Variants in CAMK1D observed in about 807,000 individuals in gnomAD.
CAMK1D encodes calcium/calmodulin dependent protein kinase ID, also known as calcium/calmodulin-dependent protein kinase type 1D.
CAMK1D carries 9 observed loss-of-function variants against 47.7 expected under a neutral mutation model. The observed-to-expected ratio is 0.19, with a 90% CI of 0.11 to 0.33. The LOEUF is 0.33. CAMK1D is among the 10% of genes least tolerant of loss of function. The pLI, the probability that CAMK1D is intolerant of heterozygous loss-of-function variation, is 1.00. For missense variants in CAMK1D, 291 were observed against 488.7 expected, an observed-to-expected ratio of 0.60 and a Z score of 3.81; for synonymous variants, 184 against 184.9, an observed-to-expected ratio of 0.99 and a Z score of 0.04.
intron 1 of CAMK1D, among the ~76,000 whole-genome samples, chr10:12,522,153 C>G (rs1835435888): frequency 6.7e-6 from 1 of 149,702 alleles, no homozygotes; most frequent in Non-Finnish European, 1.5e-5. Flanking sequence ...CCTGTCTTCA[C>G]CCTTTCCTGC....
chr10:12,772,999 A>G (rs769316509), intron 5 of CAMK1D, among the ~76,000 whole-genome samples: 8 of 152,186 alleles, frequency 5.3e-5, no homozygotes, highest in Non-Finnish European at 1.2e-4. Flanking sequence ...CCAAAGCCCA[A>G]TTTAAATGTT....
intron 3 of CAMK1D, among the ~76,000 whole-genome samples, chr10:12,729,332 C>T (rs1275339107): frequency 6.6e-6 from 1 of 152,096 alleles, no homozygotes; most frequent in East Asian, 1.9e-4. Context: ...ATGCCGAGTA[C>T]CTATAGAACA....
At chr10:12,494,890 C>T (rs1044321298) in intron 1 of CAMK1D, among the ~76,000 whole-genome samples, 2 of 152,038 alleles carry the variant, frequency 1.3e-5, no homozygotes, top group South Asian at 4.1e-4. Flanking sequence ...TTTCTTGTGA[C>T]TTTTCACCAT....
intron 2 of CAMK1D, among the ~76,000 whole-genome samples, chr10:12,581,868 A>G (rs759641686): frequency 2.6e-5 from 4 of 152,054 alleles, no homozygotes; most frequent in Non-Finnish European, 5.9e-5. Context: ...TATTTCTTTT[A>G]CTGAGCAGAA....
chr10:12,470,520 C>CTT (rs11422931), intron 1 of CAMK1D, among the ~76,000 whole-genome samples: 16 of 149,110 alleles, frequency 1.1e-4, no homozygotes, highest in Admixed American at 2.0e-4. Flanking sequence ...TTTTCTTCTT[C>CTT]TTTTTTTTTT....
chr10:12,350,253 A>C (rs1313666810), intron 1 of CAMK1D, among the ~76,000 whole-genome samples: 1 of 152,132 alleles, frequency 6.6e-6, no homozygotes, highest in African/African-American at 2.4e-5. Context: ...ATGGCTGTTT[A>C]CCGGCTGTGT....
chr10:12,799,259 A>C lies in CAMK1D; in HGVS notation c.641+8026A>C, dbSNP rs187252434. ...GGCTTGTTTTCTAGTCCATCTCAGA[A>C]GTGCATTGTTGGGAGTCAGCAAAGA... On this transcript the variant is annotated intron_variant, in intron 6 of 10. Transcript: ENST00000619168. 2.8e-3 allele frequency among the ~76,000 whole-genome samples: 420 copies of C among 150,736 alleles called. 1 individual carries two copies. Among genetic ancestry groups the C allele is most frequent in the African/African-American group, 9.5e-3 (393 of 41,492 alleles).
chr10:12,697,324 G>A (rs1422197247), intron 3 of CAMK1D, among the ~76,000 whole-genome samples: 3 of 152,132 alleles, frequency 2.0e-5, no homozygotes, highest in African/African-American at 4.8e-5. Context: ...ATTGCTAAAC[G>A]TAAAGCAACA....
At chr10:12,738,689 G>A (rs1014945043) in intron 3 of CAMK1D, among the ~76,000 whole-genome samples, 6 of 151,738 alleles carry the variant, frequency 4.0e-5, no homozygotes, top group South Asian at 2.1e-4. Context: ...AAAATTAGCC[G>A]GGCGTGGTGG....
intron 1 of CAMK1D, among the ~76,000 whole-genome samples, chr10:12,396,846 C>T (rs574077078): frequency 1.3e-5 from 2 of 152,324 alleles, no homozygotes; most frequent in African/African-American, 2.4e-5. Context: ...CTACCTTCTG[C>T]TCTTCCTGAG....
At chr10:12,714,761 TACACACACACACACACACACACAC>T (rs55827922) in intron 3 of CAMK1D, among the ~76,000 whole-genome samples, 2 of 130,518 alleles carry the variant, frequency 1.5e-5, no homozygotes, top group African/African-American at 5.8e-5. Flanking sequence ...TACATTAAAT[TACACACACACACACACACACACAC>T]ACACACACAC....
intron 1 of CAMK1D, among the ~76,000 whole-genome samples, chr10:12,491,998 T>C (rs1240956825): frequency 6.6e-6 from 1 of 152,204 alleles, no homozygotes; most frequent in East Asian, 1.9e-4. Flanking sequence ...TTGGCCAGGC[T>C]GGTCTCGAAC....
intron 1 of CAMK1D, among the ~76,000 whole-genome samples, chr10:12,392,329 A>G (rs1838765886): frequency 6.6e-6 from 1 of 151,968 alleles, no homozygotes; most frequent in South Asian, 2.1e-4. Context: ...TCAAAAATCA[A>G]AAACAAAAAA....
rs72771733 is a variant in CAMK1D at position 12,595,045 on chromosome 10, A to G, written c.224+41689A>G. Reference sequence around the variant, plus strand: ...GCTGAGGTTCCAGGCATGATCTTCAAGGTGATCTGGGGGAGACCAGGTGTG... The same window carrying G: ...GCTGAGGTTCCAGGCATGATCTTCAGGGTGATCTGGGGGAGACCAGGTGTG... On this transcript the variant is annotated intron_variant, in intron 2 of 10. Transcript: ENST00000619168. Among the ~76,000 whole-genome samples the G allele has an allele frequency of 8.4e-3, 1,282 of 152,274 alleles. 14 individuals carry two copies. Among genetic ancestry groups the G allele is most frequent in the Middle Eastern group, 0.027 (8 of 294 alleles).
intron 2 of CAMK1D, among the ~76,000 whole-genome samples, chr10:12,659,601 T>C (rs945209820): frequency 2.6e-5 from 4 of 152,206 alleles, no homozygotes; most frequent in East Asian, 1.9e-4. Flanking sequence ...CTGATTATAA[T>C]GTGAGAAAAC....
intron 1 of CAMK1D, among the ~76,000 whole-genome samples, chr10:12,460,231 G>A (rs1833381219): frequency 1.3e-5 from 2 of 151,700 alleles, no homozygotes; most frequent in Non-Finnish European, 2.9e-5. Context: ...GGTAATGAAA[G>A]CTTGTTGTCG....
chr10:12,585,807 G>A (rs1047832495), intron 2 of CAMK1D, among the ~76,000 whole-genome samples: 3 of 152,160 alleles, frequency 2.0e-5, no homozygotes, highest in Non-Finnish European at 2.9e-5. Context: ...GCCAAACCAC[G>A]TCAATCACTA....
Position 12,832,662 on chromosome 10 carries a change from C to T in CAMK1D, c.*3775C>T, listed in dbSNP as rs1833438731. On this transcript the variant is annotated 3_prime_UTR_variant, in exon 11 of 11. Transcript: ENST00000619168. ...GGAAGAGTGGCTTTGCGTTCTTGAC[C>T]ATGGCCACAATTCTGGTCACTTCTA... 6.6e-6 allele frequency: 1 copy of T among 152,210 alleles called. No homozygotes were observed. Among genetic ancestry groups the T allele is most frequent in the African/African-American group, 2.4e-5 (1 of 41,456 alleles). The allele number at this position is 152,210 out of a possible 1,614,324, so 9.4% of individuals were successfully genotyped here.
At chr10:12,536,678 CTATG>C (rs1234935594) in intron 1 of CAMK1D, among the ~76,000 whole-genome samples, 33 of 152,252 alleles carry the variant, frequency 2.2e-4, no homozygotes, top group African/African-American at 7.7e-4. Flanking sequence ...CTTTCACTAC[CTATG>C]TATGTATTAT....
Sources: allele counts gnomAD v4.1 joint callset (sites outside exome capture counted in the v4.1 genomes callset), GRCh38; gene constraint gnomAD v4.1.1; transcripts MANE v1.5; gene names NCBI Gene and HGNC (gene_info 2026-07-23, HGNC 2026-07-21).